FCRL5: variants seen among roughly 807,000 people sequenced by gnomAD.
FCRL5 encodes the protein Fc receptor-like protein 5.
FCRL5 carries 79 observed loss-of-function variants against 92.1 expected under a neutral mutation model. That is an observed-to-expected ratio of 0.86 (90% CI 0.72 to 1.03). The LOEUF (loss-of-function observed/expected upper bound fraction) is 1.03, where lower values mean the gene tolerates loss of function less well. Among genes scored for constraint, FCRL5 ranks in the 50% least tolerant of loss-of-function variants. The pLI, the probability that FCRL5 is intolerant of heterozygous loss-of-function variation, is 0.00. For synonymous variants in FCRL5, 466 were observed against 469.3 expected, an observed-to-expected ratio of 0.99 and a Z score of 0.09; for missense variants, 1,160 against 1,181.1, an observed-to-expected ratio of 0.98 and a Z score of 0.26.
At chr1:157,525,813 G>A (rs190436519) in intron 9 of FCRL5, among the ~76,000 whole-genome samples, 16 of 152,354 alleles carry the variant, frequency 1.1e-4, no homozygotes, top group African/African-American at 3.1e-4. Context: ...CTGTTGAGAA[G>A]AGATGTGTTT....
chr1:157,534,166 G>A (rs1171088200), intron 8 of FCRL5: 2 of 395,960 alleles, frequency 5.1e-6, no homozygotes, highest in African/African-American at 4.1e-5. Flanking sequence ...GGTTCCTAGG[G>A]AGCCATTTCC....
In FCRL5 at chr1:157,543,045, C is replaced by A. The variant is rs1651346090; in HGVS notation, c.937G>T (p.Asp313Tyr). 1 of 1,614,118 alleles carries A rather than the reference C, an allele frequency of 6.2e-7. No individual in the cohort carries two copies. Among genetic ancestry groups the A allele is most frequent in the African/African-American group, 1.3e-5 (1 of 74,946 alleles). The change falls in exon 6 of 17, where the codon GAT becomes TAT. Residue 313 changes from aspartate to tyrosine, a missense_variant. Physicochemically the swap from Asp to Tyr is radical, Grantham distance 160. Coordinates refer to ENST00000361835, the MANE Select transcript of FCRL5 (RefSeq NM_031281.3). ...AACCTGTACAAAGTGCGCAGAGAAT[C>A]TTCCTGGGTTTCACAGTGAAGTGTC... Reference protein sequence around the residue: ...KVTLHCETQEDSLRTLYRFYH... With the variant: ...KVTLHCETQEYSLRTLYRFYH...
chr1:157,530,448 C>T lies in FCRL5; in HGVS notation c.1682-2553G>A, dbSNP rs758004619. ...ATGGCGCGATCTTGGCTCAGCACAA[C>T]CTCCGCCATCCGGGTTGAAGCGATT... is the stretch of plus-strand genomic sequence containing the variant. On this transcript the variant is annotated intron_variant, in intron 8 of 16. Coordinates refer to ENST00000361835, the MANE Select transcript of FCRL5 (RefSeq NM_031281.3). Among the ~76,000 whole-genome samples, 14 of 152,320 alleles carry T rather than the reference C, an allele frequency of 9.2e-5. No homozygotes were observed. In the East Asian group the frequency reaches 2.1e-3, roughly 23 times the overall value.
At chr1:157,528,471 T>C (rs893609599) in intron 8 of FCRL5, 2 of 151,988 alleles carry the variant, frequency 1.3e-5, no homozygotes, top group African/African-American at 4.8e-5. Context: ...AATCCTAATA[T>C]TCATATGGAA....
In FCRL5 at chr1:157,552,509, C is replaced by T; in HGVS notation, c.-147G>A. ...CTGTGCTCTCAAAAAGAGCAGAATG[C>T]ATTAGTGAATTGAAAAAAGGAAGTG... On this transcript the variant is annotated 5_prime_UTR_variant, in exon 1 of 17. It removes an upstream start codon present in the reference 5' UTR. Transcript: ENST00000361835. The T allele has an allele frequency of 1.4e-6, 1 of 722,304 alleles. No individual in the cohort carries two copies. Among genetic ancestry groups the T allele is most frequent in the Non-Finnish European group, 2.4e-6 (1 of 424,504 alleles). 44.7% of individuals were successfully genotyped at this position (722,304 alleles called of 1,614,324 possible).
chr1:157,538,302 G>GT (rs1651069768), intron 7 of FCRL5, among the ~76,000 whole-genome samples: 1 of 152,150 alleles, frequency 6.6e-6, no homozygotes, highest in African/African-American at 2.4e-5. Flanking sequence ...TTACAGGAAA[G>GT]GAAACTGAGG....
intron 7 of FCRL5, 39 bp downstream of exon 7, chr1:157,539,047 T>TG: frequency 6.9e-6 from 11 of 1,598,522 alleles, no homozygotes; most frequent in Non-Finnish European, 9.4e-6. Flanking sequence ...AGAGGACTCT[T>TG]GGCCAGGGGT....
chr1:157,519,697 C>T, intron 13 of FCRL5, 46 bp downstream of exon 13: 1 of 1,600,832 alleles, frequency 6.2e-7, no homozygotes, highest in Non-Finnish European at 8.6e-7. Flanking sequence ...TTTTTCCACC[C>T]TGTGGACATT....
chr1:157,532,297 T>A (rs1462729505), intron 8 of FCRL5: 1 of 152,156 alleles, frequency 6.6e-6, no homozygotes, highest in Non-Finnish European at 1.5e-5. Context: ...CCTATGTGAC[T>A]CTACAGGCTA....
intron 8 of FCRL5, chr1:157,528,355 G>C (rs1270810280): frequency 6.6e-6 from 1 of 152,252 alleles, no homozygotes; most frequent in African/African-American, 2.4e-5. Context: ...CTCATGGATG[G>C]GTAGAATCAA....
intron 1 of FCRL5, among the ~76,000 whole-genome samples, chr1:157,551,751 T>G (rs939807413): frequency 1.3e-5 from 2 of 152,260 alleles, no homozygotes; most frequent in Non-Finnish European, 2.9e-5. Context: ...GATAGAGACT[T>G]ACGTACACCC....
chr1:157,524,299 A>G lies in FCRL5; in HGVS notation c.2219T>C (p.Met740Thr). The change falls in exon 10 of 17, where the codon ATG becomes ACG. Residue 740 changes from methionine (M) to threonine (T), a missense_variant. Coordinates refer to ENST00000361835, the MANE Select transcript of FCRL5 (RefSeq NM_031281.3). Reference protein sequence around the residue: ...DNGLEAQRSEMVTLKVAVPVS... With the variant: ...DNGLEAQRSETVTLKVAVPVS... ...CTCACCTGCAACTTTCAGTGTCACC[A>G]TCTCACTGCGCTGGGCCTCCAGACC... The G allele has an allele frequency of 1.2e-6, 2 of 1,614,254 alleles. No individual in the cohort carries two copies. Among genetic ancestry groups the G allele is most frequent in the Non-Finnish European group, 1.7e-6 (2 of 1,180,042 alleles).
rs570298421 is a variant in FCRL5 at position 157,518,815 on chromosome 1, G to C, written c.2661-33C>G. The C allele has an allele frequency of 2.6e-6, 4 of 1,563,028 alleles. No individual in the cohort carries two copies. In the East Asian group the frequency reaches 9.0e-5, roughly 35 times the overall value. Reference sequence around the variant, plus strand: ...ACAGAGAAATGTGAATGTTTCTTAGGAATCCAGACAAAGTAGCTATAATGA... The same window carrying C: ...ACAGAGAAATGTGAATGTTTCTTAGCAATCCAGACAAAGTAGCTATAATGA... On this transcript the variant is annotated intron_variant, in intron 13 of 16. Transcript: ENST00000361835.
intron 1 of FCRL5, among the ~76,000 whole-genome samples, chr1:157,550,572 C>T (rs1460977415): frequency 7.9e-5 from 12 of 152,164 alleles, no homozygotes; most frequent in Admixed American, 7.2e-4. Context: ...AAATTATCTT[C>T]ATTATCTGCT....
Position 157,544,814 on chromosome 1 carries a change from A to G in FCRL5, c.559+17T>C, listed in dbSNP as rs1480007367. ...TCCTTTTGACCAACTCACTTCACAA[A>G]ATAATGAAGGCTTTACCTTGGACTT... On this transcript the variant is annotated intron_variant, in intron 4 of 16. Transcript: ENST00000361835. The G allele has an allele frequency of 6.2e-7, 1 of 1,613,314 alleles. No homozygotes were observed. The highest frequency in any genetic ancestry group is 1.7e-5 in the Admixed American group (1 of 59,804).
At chr1:157,536,277 T>G (rs1650967626) in intron 7 of FCRL5, among the ~76,000 whole-genome samples, 1 of 152,136 alleles carries the variant, frequency 6.6e-6, no homozygotes, top group Non-Finnish European at 1.5e-5. Flanking sequence ...TCTCTTAGCT[T>G]TGCCTTATCC....
At chr1:157,535,013 G>A in intron 7 of FCRL5, 121 bp from the exon 8 acceptor site, 1 of 855,616 alleles carries the variant, frequency 1.2e-6, no homozygotes, top group East Asian at 2.8e-5. Context: ...TACCTGGAGG[G>A]CAGCCAAGCA....
At chr1:157,551,704 C>A (rs1264994265) in intron 1 of FCRL5, among the ~76,000 whole-genome samples, 3 of 152,190 alleles carry the variant, frequency 2.0e-5, no homozygotes, top group African/African-American at 7.2e-5. Flanking sequence ...TAATATTTAA[C>A]CTTTAGTAAA....
Position 157,519,747 on chromosome 1 carries a change from C to T in FCRL5, c.2656G>A (p.Ala886Thr), listed in dbSNP as rs368910462. Residue 886 changes from alanine (A) to threonine (T), a missense_variant, in exon 13 of 17, where the codon GCC (alanine) becomes ACC (threonine). Transcript: ENST00000361835. ...GGAATGCAGCTCAGCTCTTACCTGGCGGGGTCAGAGGCAGGCTTTCTCCCT... is the reference window on the plus strand; with the variant it reads ...GGAATGCAGCTCAGCTCTTACCTGGTGGGGTCAGAGGCAGGCTTTCTCCCT... ...KAGRKPASDP[A>T]RSPSDSDSQE... 707 of 1,613,934 alleles carry T rather than the reference C, an allele frequency of 4.4e-4. 6 individuals are homozygous for T. In the South Asian group the frequency reaches 7.0e-3, roughly 16 times the overall value.
Sources: allele counts gnomAD v4.1 joint callset (sites outside exome capture counted in the v4.1 genomes callset), GRCh38; gene constraint gnomAD v4.1.1; transcripts MANE v1.5; gene names NCBI Gene and HGNC (gene_info 2026-07-23, HGNC 2026-07-21).